The following RFX3 variants were observed in gnomAD, a reference collection of about 807,000 sequenced individuals.
RFX3 encodes the protein transcription factor RFX3.
In RFX3, 14 loss-of-function variants were observed where a neutral mutation model predicts 98.6. That is an observed-to-expected ratio of 0.14 (90% CI 0.09 to 0.22). RFX3 has a LOEUF of 0.22. RFX3 is among the 10% of genes least tolerant of loss of function. The pLI is 1.00. For missense variants in RFX3, 639 were observed against 926.9 expected (o/e 0.69, Z 4.03); for synonymous variants, 383 against 328.4 (o/e 1.17, Z -1.80).
At chr9:3,494,017 C>T (rs1410360593) in intron 1 of RFX3, among the ~76,000 whole-genome samples, 1 of 152,014 alleles carries the variant, frequency 6.6e-6, no homozygotes, top group Non-Finnish European at 1.5e-5. Flanking sequence ...TTCTATACCC[C>T]CATAATACTG....
At chr9:3,260,602 T>G (rs1390691545) in intron 13 of RFX3, among the ~76,000 whole-genome samples, 1 of 151,764 alleles carries the variant, frequency 6.6e-6, no homozygotes, top group Non-Finnish European at 1.5e-5. Context: ...CAACTCTTCT[T>G]AAGAGACTTT....
chr9:3,363,224 T>C (rs1337487167), intron 2 of RFX3, among the ~76,000 whole-genome samples: 5 of 152,212 alleles, frequency 3.3e-5, no homozygotes, highest in African/African-American at 1.2e-4. Context: ...GAGTTCTTTG[T>C]AACAGGAGGC....
intron 1 of RFX3, among the ~76,000 whole-genome samples, chr9:3,429,483 T>G (rs1475771071): frequency 2.0e-5 from 3 of 151,716 alleles, no homozygotes; most frequent in Non-Finnish European, 4.4e-5. Flanking sequence ...ACAACTATTT[T>G]CGGATTTTCT....
intron 7 of RFX3, among the ~76,000 whole-genome samples, chr9:3,285,224 T>C (rs1263625643): frequency 6.6e-6 from 1 of 151,850 alleles, no homozygotes; most frequent in African/African-American, 2.4e-5. Flanking sequence ...CCTTCAAGTA[T>C]TCAAACAACG....
At chr9:3,485,577 A>T (rs1033543207) in intron 1 of RFX3, among the ~76,000 whole-genome samples, 10 of 152,220 alleles carry the variant, frequency 6.6e-5, no homozygotes, top group Admixed American at 1.3e-4. Context: ...AATTATTTTT[A>T]AAGTGTACAT....
chr9:3,292,581 T>A lies in RFX3; in HGVS notation c.731+496A>T, dbSNP rs376776332. Among the ~76,000 whole-genome samples, 52 of 152,264 alleles carry A rather than the reference T, an allele frequency of 3.4e-4. No homozygotes were observed. The Middle Eastern group carries it at 0.01, about 30-fold the overall frequency. ...ATGATTTTTAACTGGCCTCCAGAAA[T>A]GAAATGAAAAAACTGCTTTAGTTTC... On this transcript the variant is annotated intron_variant, in intron 6 of 16. Coordinates refer to ENST00000617270, the MANE Select transcript of RFX3 (RefSeq NM_001282116.2).
rs567176229 is a variant in RFX3, at chr9:3,339,652, C to G, written c.215+7015G>C. Among the ~76,000 whole-genome samples, 14 of 152,270 alleles carry G rather than the reference C, an allele frequency of 9.2e-5. No individual in the cohort carries two copies. The East Asian group carries it at 2.7e-3, about 29-fold the overall frequency. ...ACTGTTCCAGGTATTAGACAGAGAA[C>G]AGGATGCAAACAAACCAGGTCCCCG... On this transcript the variant is annotated intron_variant, in intron 3 of 16. Transcript: ENST00000617270.
At chr9:3,336,455 A>G (rs1833189739) in intron 3 of RFX3, among the ~76,000 whole-genome samples, 1 of 152,150 alleles carries the variant, frequency 6.6e-6, no homozygotes, top group African/African-American at 2.4e-5. Context: ...AGCATACCAA[A>G]TAGGATAGTT....
At chr9:3,247,744 A>T in intron 15 of RFX3, 1 of 1,544,886 alleles carries the variant, frequency 6.5e-7, no homozygotes, top group Non-Finnish European at 8.7e-7. Flanking sequence ...AATATTTTTC[A>T]TATTCCAGTG....
At chr9:3,314,341 C>G (rs757619640) in intron 4 of RFX3, among the ~76,000 whole-genome samples, 36 of 152,172 alleles carry the variant, frequency 2.4e-4, no homozygotes, top group Non-Finnish European at 4.0e-4. Context: ...TTGTCACCAC[C>G]AGGCCTGCCT....
intron 4 of RFX3, among the ~76,000 whole-genome samples, chr9:3,306,009 T>G (rs920258630): frequency 6.6e-6 from 1 of 152,102 alleles, no homozygotes; most frequent in Non-Finnish European, 1.5e-5. Context: ...GTTAAGTTCA[T>G]TCATTAGGAA....
rs901793148 is a variant in RFX3 at position 3,221,776 on chromosome 9, A to G, written c.*3266T>C. ...ATTTTCAAACTATATGTCAAGATCA[A>G]ACTATACCCATGATACTCAATCCTA... On this transcript the variant is annotated 3_prime_UTR_variant, in exon 17 of 17. Coordinates refer to ENST00000617270, the MANE Select transcript of RFX3 (RefSeq NM_001282116.2). 1 of 152,188 alleles carries G rather than the reference A, an allele frequency of 6.6e-6. No individual in the cohort carries two copies. The highest frequency in any genetic ancestry group is 1.5e-5 in the Non-Finnish European group (1 of 68,012). The allele number at this position is 152,188 out of a possible 1,614,324, so 9.4% of individuals were successfully genotyped here.
chr9:3,264,466 G>A (rs896424816), intron 12 of RFX3, among the ~76,000 whole-genome samples: 2 of 151,948 alleles, frequency 1.3e-5, no homozygotes, highest in African/African-American at 4.8e-5. Context: ...TTTGGAACTT[G>A]GGGGGAAGCT....
At chr9:3,524,666 T>C (rs2133962453) in intron 1 of RFX3, 1 of 978,646 alleles carries the variant, frequency 1.0e-6, no homozygotes, top group Non-Finnish European at 1.2e-6. Context: ...AGTCTCATAA[T>C]CACAATGAAA....
At chr9:3,258,246 T>G (rs148194294) in intron 13 of RFX3, among the ~76,000 whole-genome samples, 129 of 152,290 alleles carry the variant, frequency 8.5e-4, no homozygotes, top group African/African-American at 2.9e-3. Context: ...ATAGATTTCT[T>G]TGGAGAAGTG....
chr9:3,348,143 A>G (rs1834660096), intron 2 of RFX3, among the ~76,000 whole-genome samples: 1 of 152,176 alleles, frequency 6.6e-6, no homozygotes, highest in Non-Finnish European at 1.5e-5. Context: ...TATTCAAGAA[A>G]CTGGGTCATT....
intron 15 of RFX3, chr9:3,247,200 A>G (rs1012546024): frequency 1.0e-6 from 1 of 985,622 alleles, no homozygotes; most frequent in Non-Finnish European, 1.2e-6. Flanking sequence ...AAAATAAGCC[A>G]GTGCTGAACC....
chr9:3,475,060 C>T (rs1364882944), intron 1 of RFX3, among the ~76,000 whole-genome samples: 1 of 147,414 alleles, frequency 6.8e-6, no homozygotes, highest in African/African-American at 2.6e-5. Flanking sequence ...AATTGTGCCA[C>T]TGCACTAACA....
chr9:3,292,958 C>G, intron 6 of RFX3, 119 bp downstream of exon 6: 1 of 734,268 alleles, frequency 1.4e-6, no homozygotes, highest in Non-Finnish European at 2.1e-6. Flanking sequence ...AAACTGAGCT[C>G]ATTCTATGTA....
Sources: gnomAD v4.1 joint callset for allele counts (sites outside exome capture counted in the v4.1 genomes callset) on GRCh38, gnomAD v4.1.1 for gene constraint, MANE v1.5 for transcripts, NCBI Gene and HGNC (gene_info 2026-07-23, HGNC 2026-07-21) for gene names.